The following PNLIPRP1 variants were observed in gnomAD, a reference collection of about 807,000 sequenced individuals.
PNLIPRP1 encodes pancreatic lipase related protein 1.
A neutral mutation model predicts 54.6 loss-of-function variants in PNLIPRP1; 57 were observed. That is an observed-to-expected ratio of 1.04 (90% CI 0.84 to 1.30). The LOEUF (loss-of-function observed/expected upper bound fraction) is 1.30, where lower values mean the gene tolerates loss of function less well. PNLIPRP1 is among the 50% of genes most tolerant of loss of function. PNLIPRP1 has a pLI of 0.00. For synonymous variants in PNLIPRP1, 232 were observed against 208.8 expected (o/e 1.11, Z -0.96); for missense variants, 567 against 568.5 (o/e 1.00, Z 0.03).
chr10:116,606,969 A>C (rs1266972312), intron 12 of PNLIPRP1, among the ~76,000 whole-genome samples: 1 of 152,060 alleles, frequency 6.6e-6, no homozygotes, highest in African/African-American at 2.4e-5. Flanking sequence ...AAAACACTGA[A>C]TTAGTTGAAT....
At chr10:116,592,768 G>A in intron 4 of PNLIPRP1, 1 of 602,558 alleles carries the variant, frequency 1.7e-6, no homozygotes, top group Non-Finnish European at 3.1e-6. Context: ...CTAATTTCTG[G>A]TTAAACCAAG....
At chr10:116,599,518 C>T (rs886343349) in intron 8 of PNLIPRP1, among the ~76,000 whole-genome samples, 2 of 152,086 alleles carry the variant, frequency 1.3e-5, no homozygotes, top group African/African-American at 4.8e-5. Flanking sequence ...TACAAAACCA[C>T]CTAAAGTTAT....
Position 116,601,162 on chromosome 10 carries a change from A to C in PNLIPRP1, c.1024A>C (p.Lys342Gln). Residue 342 changes from lysine (K) to glutamine (Q), a missense_variant, in exon 10 of 13, where the codon AAA becomes CAA. Coordinates refer to ENST00000358834, the MANE Select transcript of PNLIPRP1 (RefSeq NM_006229.4). The part of the protein sequence containing the change: ...FAGRTSEEQQ[K>Q]FFLNTGEASN... Reference sequence around the variant, plus strand: ...TGGCAGGACAAGTGAAGAGCAGCAGAAATTCTTCTTGAACACAGGAGAGGC... The same window carrying C: ...TGGCAGGACAAGTGAAGAGCAGCAGCAATTCTTCTTGAACACAGGAGAGGC... 6.2e-7 allele frequency: 1 copy of C among 1,614,150 alleles called. No individual in the cohort carries two copies. The highest frequency in any genetic ancestry group is 1.1e-5 in the South Asian group (1 of 91,066).
intron 10 of PNLIPRP1, 140 bp from the exon 11 acceptor site, chr10:116,603,890 C>T: frequency 2.0e-6 from 1 of 497,732 alleles, no homozygotes; most frequent in Non-Finnish European, 3.6e-6. Flanking sequence ...GAGACCCCAT[C>T]TCAAAAAATA....
At chr10:116,603,940 T>A in intron 10 of PNLIPRP1, 90 bp from the exon 11 acceptor site, 1 of 596,964 alleles carries the variant, frequency 1.7e-6, no homozygotes, top group Non-Finnish European at 2.9e-6. Context: ...TTATGCTTTG[T>A]TGCCTCAGAG....
At chr10:116,605,106 G>A (rs565104715) in intron 11 of PNLIPRP1, among the ~76,000 whole-genome samples, 8 of 152,188 alleles carry the variant, frequency 5.3e-5, no homozygotes, top group Admixed American at 3.3e-4. Flanking sequence ...TGGCCAATTT[G>A]TTACTGTACA....
chr10:116,603,483 G>A (rs1215194428), intron 10 of PNLIPRP1, among the ~76,000 whole-genome samples: 5 of 152,190 alleles, frequency 3.3e-5, no homozygotes, highest in African/African-American at 9.7e-5. Flanking sequence ...TTAAATGTAA[G>A]CAGCCACATG....
In PNLIPRP1 at chr10:116,591,185, A is replaced by G. The variant is rs782034993; in HGVS notation, c.49+7A>G. The G allele has an allele frequency of 6.2e-7, 1 of 1,610,760 alleles. No individual in the cohort carries two copies. The highest frequency in any genetic ancestry group is 8.5e-7 in the Non-Finnish European group (1 of 1,177,376). ...CTGCTGGGAGCAGCCAAAGGTAAGA[A>G]ACACCACTCCTGCCCCGTAGGAAGG... is the stretch of plus-strand genomic sequence containing the variant. On this transcript the variant is annotated splice_region_variant and intron_variant, in intron 2 of 12. Transcript: ENST00000358834.
intron 6 of PNLIPRP1, among the ~76,000 whole-genome samples, chr10:116,597,062 G>A (rs1181452057): frequency 2.0e-5 from 3 of 152,074 alleles, no homozygotes; most frequent in Non-Finnish European, 2.9e-5. Context: ...TGGTTTTGCC[G>A]ATGTTTGGCT....
intron 3 of PNLIPRP1, 87 bp from the exon 4 acceptor site, chr10:116,592,329 A>T: frequency 7.0e-7 from 1 of 1,435,806 alleles, no homozygotes. Flanking sequence ...TGAAAAGTAG[A>T]GGCATTGGCG....
At chr10:116,594,987 C>A in intron 5 of PNLIPRP1, 123 bp downstream of exon 5, 1 of 1,218,348 alleles carries the variant, frequency 8.2e-7, no homozygotes. Flanking sequence ...GACCTTACTT[C>A]TAAAACTCTG....
chr10:116,607,505 G>C (rs1737549510), intron 12 of PNLIPRP1, among the ~76,000 whole-genome samples: 1 of 152,194 alleles, frequency 6.6e-6, no homozygotes, highest in Non-Finnish European at 1.5e-5. Flanking sequence ...CTCAGGATGA[G>C]GCAGGGAGTA....
Position 116,598,067 on chromosome 10 carries a change from A to G in PNLIPRP1, c.715A>G (p.Met239Val), listed in dbSNP as rs782459455. The part of the protein sequence containing the change: ...PFLGFGTNQQ[M>V]GHLDFFPNGG... ...TTCAGGTTTTGGAACGAACCAACAG[A>G]TGGGTCATCTTGACTTCTTCCCCAA... Residue 239 changes from methionine (M) to valine (V), a missense_variant, in exon 8 of 13, where the codon ATG (methionine) becomes GTG (valine). Physicochemically the swap from Met to Val is conservative, Grantham distance 21. Coordinates refer to ENST00000358834, the MANE Select transcript of PNLIPRP1 (RefSeq NM_006229.4). 2.5e-6 allele frequency: 4 copies of G among 1,614,120 alleles called. No individual in the cohort carries two copies. Among genetic ancestry groups the G allele is most frequent in the Non-Finnish European group, 1.7e-6 (2 of 1,180,020 alleles).
chr10:116,592,499 C>G lies in PNLIPRP1; in HGVS notation c.288C>G (p.Phe96Leu). Residue 96 changes from phenylalanine to leucine, a missense_variant, in exon 4 of 13, where the codon TTC becomes TTG. Physicochemically the swap from Phe to Leu is conservative, Grantham distance 22. Coordinates refer to ENST00000358834, the MANE Select transcript of PNLIPRP1 (RefSeq NM_006229.4). ...AGACCCGGTTCATCATCCATGGCTT[C>G]ATAGACAAAGGAGATGAGAGCTGGG... The part of the protein sequence containing the change: ...DRKTRFIIHG[F>L]IDKGDESWVT... 1 of 1,614,146 alleles carries G rather than the reference C, an allele frequency of 6.2e-7. No homozygotes were observed. Among genetic ancestry groups the G allele is most frequent in the Non-Finnish European group, 8.5e-7 (1 of 1,180,014 alleles).
rs1289023059 is a variant in PNLIPRP1, at chr10:116,605,511, G to A, written c.1298G>A (p.Gly433Asp). 6.2e-7 allele frequency: 1 copy of A among 1,609,994 alleles called. No homozygotes were observed. Residue 433 changes from glycine (G) to aspartate (D), a missense_variant, in exon 12 of 13, where the codon GGT (glycine) becomes GAT (aspartate). Coordinates refer to ENST00000358834, the MANE Select transcript of PNLIPRP1 (RefSeq NM_006229.4). ...NVINPTLPKV[G>D]ATKITVQKGE... is the part of the protein sequence containing the mutation. Reference sequence around the variant, plus strand: ...ATAAATCCAACCCTCCCCAAAGTGGGTGCCACCAAGATCACTGTGCAAAAG... The same window carrying A: ...ATAAATCCAACCCTCCCCAAAGTGGATGCCACCAAGATCACTGTGCAAAAG...
chr10:116,606,671 G>A (rs1554865602), intron 12 of PNLIPRP1, among the ~76,000 whole-genome samples: 1 of 152,136 alleles, frequency 6.6e-6, no homozygotes, highest in Non-Finnish European at 1.5e-5. Flanking sequence ...TTGCTCACAG[G>A]TAAGGCATAC....
intron 5 of PNLIPRP1, chr10:116,595,964 C>T: frequency 2.6e-6 from 1 of 377,692 alleles, no homozygotes. Context: ...GAAGAACAAA[C>T]CAGGCCCAGA....
At chr10:116,596,182 A>G in intron 5 of PNLIPRP1, 32 bp from the exon 6 acceptor site, 1 of 1,450,610 alleles carries the variant, frequency 6.9e-7, no homozygotes, top group East Asian at 2.3e-5. Flanking sequence ...CACAGCAAAA[A>G]ATGTCCTGAA....
intron 12 of PNLIPRP1, among the ~76,000 whole-genome samples, chr10:116,605,900 A>G (rs1221922451): frequency 6.6e-6 from 1 of 152,270 alleles, no homozygotes; most frequent in Non-Finnish European, 1.5e-5. Context: ...GAGAAGACCA[A>G]TTACATTTCA....
Sources: gnomAD v4.1 joint callset for allele counts (sites outside exome capture counted in the v4.1 genomes callset) on GRCh38, gnomAD v4.1.1 for gene constraint, MANE v1.5 for transcripts, NCBI Gene and HGNC (gene_info 2026-07-23, HGNC 2026-07-21) for gene names.